Variants in SUDS3 observed in about 807,000 individuals in gnomAD.
SUDS3 encodes SIN3A corepressor complex component SDS3.
Under a neutral mutation model 53.5 loss-of-function variants are expected in SUDS3, and 23 were observed. The ratio of observed to expected loss-of-function variants is 0.43; its 90% confidence interval spans 0.31 to 0.61. SUDS3 has a LOEUF of 0.61. SUDS3 is among the 20% of genes least tolerant of loss of function. SUDS3 has a pLI of 0.10. For synonymous variants in SUDS3, 150 were observed against 148.5 expected (o/e 1.01, Z -0.08); for missense variants, 291 against 405.9 (o/e 0.72, Z 2.43).
In SUDS3 at chr12:118,384,059, T is replaced by C; in HGVS notation, c.260T>C (p.Leu87Pro). 1 of 1,613,772 alleles carries C rather than the reference T, an allele frequency of 6.2e-7. No individual in the cohort carries two copies. Among genetic ancestry groups the C allele is most frequent in the Non-Finnish European group, 8.5e-7 (1 of 1,179,780 alleles). The change falls in exon 3 of 12, where the codon CTG becomes CCG. Residue 87 changes from leucine (L) to proline (P), a missense_variant. By Grantham distance (98) the Leu-to-Pro change is moderately conservative (BLOSUM62 -3). Transcript: ENST00000543473. ...TCTCTCAAGAGGCAGTTGCAACAAC[T>C]GCAAGAAGGTTGGTGTGTGATTGAA... The part of the protein sequence containing the change: ...LASLKRQLQQ[L>P]QEGTLQEYQK...
intron 7 of SUDS3, 39 bp downstream of exon 7, chr12:118,400,793 T>A: frequency 6.3e-7 from 1 of 1,583,522 alleles, no homozygotes; most frequent in Non-Finnish European, 8.7e-7. Flanking sequence ...CTTTCTTTTT[T>A]AAGACTGTGG....
At chr12:118,402,583 C>T (rs917151325) in intron 9 of SUDS3, 9 of 152,864 alleles carry the variant, frequency 5.9e-5, no homozygotes, top group East Asian at 1.9e-4. Context: ...CTCGATTACT[C>T]GATTACTCAC....
chr12:118,390,891 G>A (rs946566124), intron 5 of SUDS3: 8 of 588,160 alleles, frequency 1.4e-5, no homozygotes, highest in Admixed American at 7.1e-5. Flanking sequence ...TATAGGATGT[G>A]GAAGCGAAAA....
chr12:118,417,070 C>G lies in SUDS3; in HGVS notation c.*2637C>G, dbSNP rs996565098. The G allele has an allele frequency of 2.0e-5, 3 of 152,126 alleles. No homozygotes were observed. Among genetic ancestry groups the G allele is most frequent in the African/African-American group, 7.2e-5 (3 of 41,398 alleles). 9.4% of individuals were successfully genotyped at this position (152,126 alleles called of 1,614,324 possible). ...TGGGGGTTTTGTGTGTTCCCCTCCC[C>G]CCATGCCCTGCCTACCCCCTTTTCC... is the stretch of plus-strand genomic sequence containing the variant. On this transcript the variant is annotated 3_prime_UTR_variant, in exon 12 of 12. Transcript: ENST00000543473.
Position 118,403,500 on chromosome 12 carries a change from G to A in SUDS3, c.786G>A (p.Leu262=), listed in dbSNP as rs772137610. The A allele has an allele frequency of 1.2e-6, 2 of 1,613,054 alleles. No homozygotes were observed. The highest frequency in any genetic ancestry group is 1.3e-5 in the African/African-American group (1 of 75,022). ...RFEARIEDGK[L]YYDKRWYHKS... ...AAGCTCGGATAGAAGATGGCAAACT[G>A]TACTATGACAAAAGATGGTATGTTA... Residue 262 remains leucine, a synonymous_variant, in exon 10 of 12, where the codon CTG becomes CTA. Coordinates refer to ENST00000543473, the MANE Select transcript of SUDS3 (RefSeq NM_022491.3).
At chr12:118,397,043 G>A (rs771621965) in intron 6 of SUDS3, among the ~76,000 whole-genome samples, 2 of 152,122 alleles carry the variant, frequency 1.3e-5, no homozygotes, top group African/African-American at 2.4e-5. Flanking sequence ...CTCACATAAC[G>A]CTCTCTCAAG....
chr12:118,414,120 CG>C (rs2046380690), intron 11 of SUDS3, among the ~76,000 whole-genome samples: 1 of 152,056 alleles, frequency 6.6e-6, no homozygotes, highest in Admixed American at 6.5e-5. Context: ...GGCTGAGAAA[CG>C]AGTTCAAGGC....
At chr12:118,390,608 C>G (rs2046156880) in intron 5 of SUDS3, among the ~76,000 whole-genome samples, 1 of 152,146 alleles carries the variant, frequency 6.6e-6, no homozygotes, top group Admixed American at 6.5e-5. Context: ...TACTCACATC[C>G]TTAGCCCACC....
Position 118,376,595 on chromosome 12 carries a change from T to C in SUDS3, c.-97T>C, listed in dbSNP as rs950749884. 1.1e-5 allele frequency: 14 copies of C among 1,246,208 alleles called. No homozygotes were observed. The Admixed American group carries it at 1.3e-4, about 11-fold the overall frequency. 77.2% of individuals were successfully genotyped at this position (1,246,208 alleles called of 1,614,324 possible). On this transcript the variant is annotated 5_prime_UTR_variant, in exon 1 of 12. Coordinates refer to ENST00000543473, the MANE Select transcript of SUDS3 (RefSeq NM_022491.3). ...GTCGCCGTGGCTGCCGGTCCTCGAG[T>C]TGGGGGCTGCCGCGGACACTGCTAG...
intron 2 of SUDS3, among the ~76,000 whole-genome samples, chr12:118,381,684 G>A (rs1942432206): frequency 6.6e-6 from 1 of 152,132 alleles, no homozygotes; most frequent in Non-Finnish European, 1.5e-5. Flanking sequence ...ACCCTGCCTG[G>A]CCACATGCTG....
At chr12:118,380,728 A>G (rs1026051013) in intron 2 of SUDS3, among the ~76,000 whole-genome samples, 2 of 152,168 alleles carry the variant, frequency 1.3e-5, no homozygotes, top group Non-Finnish European at 2.9e-5. Context: ...TTTCCTTGAG[A>G]CAGAGCCTTG....
In SUDS3 at chr12:118,383,218, G is replaced by A. The variant is rs571422566; in HGVS notation, c.213-794G>A. On this transcript the variant is annotated intron_variant, in intron 2 of 11. Coordinates refer to ENST00000543473, the MANE Select transcript of SUDS3 (RefSeq NM_022491.3). ...CATATACCAAAAGGTTATTGTGCTT[G>A]TTATATGTTGGACAGTGTTCTTTCA... Among the ~76,000 whole-genome samples the A allele has an allele frequency of 2.6e-5, 4 of 152,348 alleles. No individual in the cohort carries two copies. In the East Asian group the frequency reaches 7.7e-4, roughly 29 times the overall value.
At chr12:118,403,364 G>T (rs752392905) in intron 9 of SUDS3, 48 bp from the exon 10 acceptor site, 9 of 1,401,742 alleles carry the variant, frequency 6.4e-6, no homozygotes, top group Non-Finnish European at 9.0e-6. Context: ...TGGTAGACTC[G>T]CATGTGTTTG....
intron 1 of SUDS3, among the ~76,000 whole-genome samples, chr12:118,377,744 A>G (rs2046014441): frequency 6.6e-6 from 1 of 151,918 alleles, no homozygotes; most frequent in African/African-American, 2.4e-5. Flanking sequence ...ATAGGAAACA[A>G]AGAGAGACCG....
At position 118,386,203 on chromosome 12, in the gene SUDS3, G is replaced by T; in HGVS notation, c.340+18G>T. 1 of 1,573,972 alleles carries T rather than the reference G, an allele frequency of 6.4e-7. No individual in the cohort carries two copies. Among genetic ancestry groups the T allele is most frequent in the Admixed American group, 1.8e-5 (1 of 55,776 alleles). Reference sequence around the variant, plus strand: ...GAATGCAGGTAAGGCTCCTTTAAATGGCAATGAATCATCTTTCAATGTTTG... The same window carrying T: ...GAATGCAGGTAAGGCTCCTTTAAATTGCAATGAATCATCTTTCAATGTTTG... On this transcript the variant is annotated intron_variant, in intron 4 of 11. Coordinates refer to ENST00000543473, the MANE Select transcript of SUDS3 (RefSeq NM_022491.3).
At chr12:118,400,622 G>T in intron 6 of SUDS3, 37 bp from the exon 7 acceptor site, 1 of 1,585,600 alleles carries the variant, frequency 6.3e-7, no homozygotes, top group South Asian at 1.1e-5. Flanking sequence ...CTTCAAGTGG[G>T]AGTTGGATAG....
intron 6 of SUDS3, among the ~76,000 whole-genome samples, chr12:118,391,604 C>G (rs561501631): frequency 6.6e-6 from 1 of 152,348 alleles, no homozygotes; most frequent in Admixed American, 6.5e-5. Flanking sequence ...ATTGCAAGCT[C>G]TGGCTTAGAC....
At chr12:118,407,320 C>T (rs1045216413) in intron 10 of SUDS3, among the ~76,000 whole-genome samples, 1 of 152,126 alleles carries the variant, frequency 6.6e-6, no homozygotes, top group African/African-American at 2.4e-5. Context: ...TCAGAGACTG[C>T]GGTTCAGGAG....
chr12:118,389,988 G>A (rs780350738), intron 5 of SUDS3, 42 bp downstream of exon 5: 6 of 1,613,508 alleles, frequency 3.7e-6, no homozygotes, highest in South Asian at 1.1e-5. Flanking sequence ...CCCTGTCTGA[G>A]ACTGGAATCT....
Sources: allele counts gnomAD v4.1 joint callset (sites outside exome capture counted in the v4.1 genomes callset), GRCh38; gene constraint gnomAD v4.1.1; transcripts MANE v1.5; gene names NCBI Gene and HGNC (gene_info 2026-07-23, HGNC 2026-07-21).